Variants in CHCHD6 observed in about 807,000 individuals in gnomAD.
The protein encoded by CHCHD6 is MICOS complex subunit MIC25.
CHCHD6 carries 28 observed loss-of-function variants against 32.3 expected under a neutral mutation model. The observed-to-expected ratio is 0.87, with a 90% CI of 0.64 to 1.19. CHCHD6 has a LOEUF of 1.19. Among genes scored for constraint, CHCHD6 ranks in the 50% most tolerant of loss-of-function variants. CHCHD6 has a pLI of 0.00. For synonymous variants in CHCHD6, 122 were observed against 117.5 expected, an observed-to-expected ratio of 1.04 and a Z score of -0.25; for missense variants, 333 against 307.0, an observed-to-expected ratio of 1.08 and a Z score of -0.63.
chr3:126,759,322 C>T (rs1204123808), intron 4 of CHCHD6, among the ~76,000 whole-genome samples: 1 of 152,224 alleles, frequency 6.6e-6, no homozygotes, highest in African/African-American at 2.4e-5. Context: ...CATCTCATCT[C>T]CTTAAGAACA....
chr3:126,804,258 A>C (rs1450438154), intron 4 of CHCHD6, among the ~76,000 whole-genome samples: 1 of 152,218 alleles, frequency 6.6e-6, no homozygotes, highest in Admixed American at 6.5e-5. Flanking sequence ...CCTTCGAAAA[A>C]TTAATGAATC....
chr3:126,932,934 T>C (rs2107599394), intron 6 of CHCHD6, among the ~76,000 whole-genome samples: 1 of 152,226 alleles, frequency 6.6e-6, no homozygotes, highest in South Asian at 2.1e-4. Context: ...TGAAGATTGT[T>C]GTTTACTGCT....
At chr3:126,800,142 C>G (rs1938994679) in intron 4 of CHCHD6, among the ~76,000 whole-genome samples, 1 of 152,066 alleles carries the variant, frequency 6.6e-6, no homozygotes, top group African/African-American at 2.4e-5. Context: ...AACTCATATG[C>G]ACATTTAAAA....
chr3:126,854,700 CT>C (rs1418791922), intron 5 of CHCHD6, among the ~76,000 whole-genome samples: 5 of 152,176 alleles, frequency 3.3e-5, no homozygotes, highest in South Asian at 2.1e-4. Flanking sequence ...CTTTTTCCCC[CT>C]ATTTCCTTTA....
chr3:126,749,858 C>T (rs1049870315), intron 4 of CHCHD6, among the ~76,000 whole-genome samples: 3 of 152,222 alleles, frequency 2.0e-5, no homozygotes, highest in Non-Finnish European at 4.4e-5. Flanking sequence ...AATGTCTAGA[C>T]AGTGTAGCTG....
chr3:126,878,709 T>C (rs752137126), intron 5 of CHCHD6, among the ~76,000 whole-genome samples: 50 of 152,222 alleles, frequency 3.3e-4, no homozygotes, highest in Non-Finnish European at 5.9e-4. Context: ...TCTGAAGCTA[T>C]TGGATGAAAG....
At chr3:126,944,367 A>ACT (rs139848621) in intron 6 of CHCHD6, among the ~76,000 whole-genome samples, 3,839 of 152,344 alleles carry the variant, frequency 0.025, 59 homozygotes, top group Middle Eastern at 0.061. Flanking sequence ...AGCCCCAATG[A>ACT]CTTAATTATT....
At chr3:126,947,605 C>T (rs987097662) in intron 6 of CHCHD6, among the ~76,000 whole-genome samples, 1 of 152,184 alleles carries the variant, frequency 6.6e-6, no homozygotes, top group African/African-American at 2.4e-5. Flanking sequence ...CTTACCAACC[C>T]CGTCTGCAGA....
At chr3:126,777,446 C>T (rs1467605322) in intron 4 of CHCHD6, among the ~76,000 whole-genome samples, 2 of 152,168 alleles carry the variant, frequency 1.3e-5, no homozygotes, top group African/African-American at 4.8e-5. Context: ...GTGAAATAGC[C>T]GCTTGTGTTT....
At chr3:126,784,470 G>A (rs1358364603) in intron 4 of CHCHD6, among the ~76,000 whole-genome samples, 2 of 152,174 alleles carry the variant, frequency 1.3e-5, no homozygotes, top group East Asian at 1.9e-4. Context: ...TGCCCCCACT[G>A]CCTTGCTGCT....
chr3:126,780,277 C>T (rs1019829462), intron 4 of CHCHD6: 3 of 402,040 alleles, frequency 7.5e-6, no homozygotes, highest in African/African-American at 2.1e-5. Context: ...GAGGGTTTCT[C>T]CCACCTTTTG....
chr3:126,921,151 T>C (rs967568790), intron 6 of CHCHD6, among the ~76,000 whole-genome samples: 2 of 152,108 alleles, frequency 1.3e-5, no homozygotes, highest in African/African-American at 4.8e-5. Flanking sequence ...ACATGGGGCA[T>C]TGAAGGCACG....
At chr3:126,883,394 A>G (rs781623474) in intron 5 of CHCHD6, among the ~76,000 whole-genome samples, 1 of 152,210 alleles carries the variant, frequency 6.6e-6, no homozygotes, top group Non-Finnish European at 1.5e-5. Context: ...CACTGTCTTC[A>G]GGGAGATGGT....
At chr3:126,801,557 G>A (rs1405181154) in intron 4 of CHCHD6, among the ~76,000 whole-genome samples, 1 of 152,224 alleles carries the variant, frequency 6.6e-6, no homozygotes. Flanking sequence ...AAAGCAGCCA[G>A]GAACCTCCAG....
chr3:126,784,665 A>G (rs1027813782), intron 4 of CHCHD6, among the ~76,000 whole-genome samples: 2 of 152,172 alleles, frequency 1.3e-5, no homozygotes. Flanking sequence ...CTGTTCAGGC[A>G]TCCCCCAGTG....
chr3:126,926,021 A>C (rs1237964556), intron 6 of CHCHD6, among the ~76,000 whole-genome samples: 1 of 152,192 alleles, frequency 6.6e-6, no homozygotes, highest in African/African-American at 2.4e-5. Flanking sequence ...GCTGCAGAGC[A>C]CAGACGCACT....
intron 4 of CHCHD6, among the ~76,000 whole-genome samples, chr3:126,818,382 A>G (rs1940000164): frequency 6.6e-6 from 1 of 152,194 alleles, no homozygotes; most frequent in South Asian, 2.1e-4. Flanking sequence ...CGTTCCACCC[A>G]GAAGTTCTAA....
Position 126,960,155 on chromosome 3 carries a change from G to T in CHCHD6, c.703-41G>T, listed in dbSNP as rs369701860. ...CTGCACGGAGCTGGAGGGCATGGGC[G>T]GAGTGGGCCCTGACTCAACTCTGAC... On this transcript the variant is annotated intron_variant, in intron 7 of 7. Transcript: ENST00000290913. 6.6e-5 allele frequency: 102 copies of T among 1,551,092 alleles called. No homozygotes were observed. The East Asian group carries it at 2.4e-3, about 37-fold the overall frequency.
rs148129437 is a variant in CHCHD6, at chr3:126,704,324, G to C, written c.12G>C (p.Thr4=). The C allele has an allele frequency of 3.0e-4, 474 of 1,603,848 alleles. 2 individuals are homozygous for C. The African/African-American group carries it at 5.8e-3, about 20-fold the overall frequency. MGS[T]ESSEGRRVSF... ...TGCGGCATCTCGCCATGGGGAGCAC[G>C]GAGAGCAGCGAGGGCCGCAGGGTGT... The change falls in exon 1 of 8, where the codon ACG becomes ACC. Residue 4 remains threonine, a synonymous_variant. Coordinates refer to ENST00000290913, the MANE Select transcript of CHCHD6 (RefSeq NM_032343.3).
Sources: allele counts gnomAD v4.1 joint callset (sites outside exome capture counted in the v4.1 genomes callset), GRCh38; gene constraint gnomAD v4.1.1; transcripts MANE v1.5; gene names NCBI Gene and HGNC (gene_info 2026-07-23, HGNC 2026-07-21).